Variants in CLASP2 observed in about 807,000 individuals in gnomAD.
The protein encoded by CLASP2 is cytoplasmic linker associated protein 2, also known as CLIP-associating protein 2.
CLASP2 carries 47 observed loss-of-function variants against 194.4 expected under a neutral mutation model. That is an observed-to-expected ratio of 0.24 (90% confidence interval 0.19 to 0.31). The LOEUF is 0.31. Ranked by LOEUF, CLASP2 falls within the 10% of genes least tolerant of loss-of-function variation. The pLI is 1.00. For synonymous variants in CLASP2, 619 were observed against 633.5 expected (o/e 0.98, Z 0.34); for missense variants, 1,445 against 1,823.6 (o/e 0.79, Z 3.78).
chr3:33,640,578 T>A (rs768046601), intron 8 of CLASP2, among the ~76,000 whole-genome samples: 1 of 152,098 alleles, frequency 6.6e-6, no homozygotes, highest in Non-Finnish European at 1.5e-5. Flanking sequence ...ACTTTAAGAA[T>A]TGAAGATTTG....
rs879019947 is a variant in CLASP2, at chr3:33,602,870, G to T, written c.1924+82C>A. ...TATCCTTAAATAACAAGAATGAATA[G>T]AAATGATTAAGGTATATGAACTTGT... On this transcript the variant is annotated intron_variant, in intron 18 of 38. Transcript: ENST00000682230. The T allele has an allele frequency of 1.4e-5, 18 of 1,291,318 alleles. No homozygotes were observed. The South Asian group carries it at 2.2e-4, about 15-fold the overall frequency. The allele number at this position is 1,291,318 out of a possible 1,614,324, so 80.0% of individuals were successfully genotyped here. A position where few individuals can be genotyped will look rare whatever the true frequency, so the allele number is the denominator to read the frequency against.
intron 12 of CLASP2, among the ~76,000 whole-genome samples, chr3:33,614,302 T>TTAA (rs953060746): frequency 6.6e-6 from 1 of 152,158 alleles, no homozygotes; most frequent in African/African-American, 2.4e-5. Flanking sequence ...CATACAGCTG[T>TTAA]TAAGACAGAG....
In CLASP2 at chr3:33,529,777, C is replaced by T. The variant is rs571936640; in HGVS notation, c.3787+5456G>A. Reference sequence around the variant, plus strand: ...CGGGTGGATCATGAGGTCAGGAGATCGAGACCATCCTGGCTAACAAGGTGA... The same window carrying T: ...CGGGTGGATCATGAGGTCAGGAGATTGAGACCATCCTGGCTAACAAGGTGA... On this transcript the variant is annotated intron_variant, in intron 34 of 38. Coordinates refer to ENST00000682230, the MANE Select transcript of CLASP2 (RefSeq NM_001365631.1). Among the ~76,000 whole-genome samples the T allele has an allele frequency of 1.5e-3, 231 of 151,720 alleles. 1 individual carries two copies. Among genetic ancestry groups the T allele is most frequent in the African/African-American group, 5.2e-3 (214 of 41,378 alleles).
intron 7 of CLASP2, chr3:33,659,182 T>C (rs2084859396): frequency 7.3e-7 from 1 of 1,373,448 alleles, no homozygotes; most frequent in Non-Finnish European, 9.4e-7. Flanking sequence ...AAGTCTGGGG[T>C]CTTGCTGAAA....
intron 16 of CLASP2, 100 bp downstream of exon 16, chr3:33,606,491 C>T (rs2073879286): frequency 6.7e-6 from 6 of 902,096 alleles, no homozygotes; most frequent in Non-Finnish European, 1.0e-5. Context: ...TCTTTCAAGG[C>T]TTTAGGTGAA....
chr3:33,556,641 T>C (rs1423725842), intron 29 of CLASP2, among the ~76,000 whole-genome samples: 1 of 152,124 alleles, frequency 6.6e-6, no homozygotes, highest in Admixed American at 6.5e-5. Context: ...TTCACCATGC[T>C]GGCCAGCCTG....
chr3:33,639,871 G>A (rs563375401), intron 8 of CLASP2, among the ~76,000 whole-genome samples: 11 of 152,130 alleles, frequency 7.2e-5, no homozygotes, highest in South Asian at 2.1e-4. Context: ...GAGATTACCC[G>A]GAGATGATCC....
intron 12 of CLASP2, among the ~76,000 whole-genome samples, chr3:33,614,673 C>A (rs1344273461): frequency 6.6e-6 from 1 of 152,066 alleles, no homozygotes; most frequent in East Asian, 1.9e-4. Flanking sequence ...AGAAAACGGG[C>A]TGGGCATGGT....
chr3:33,556,430 T>C (rs1433755997), intron 29 of CLASP2, among the ~76,000 whole-genome samples: 8 of 150,640 alleles, frequency 5.3e-5, no homozygotes, highest in Non-Finnish European at 1.0e-4. Flanking sequence ...AAAGTGATTT[T>C]CTTTCTTTCT....
At chr3:33,545,260 CA>C (rs1219366898) in intron 30 of CLASP2, 1 of 152,900 alleles carries the variant, frequency 6.5e-6, no homozygotes, top group Non-Finnish European at 1.5e-5. Context: ...GAAATGGGAA[CA>C]AAATAAAGCT....
intron 29 of CLASP2, among the ~76,000 whole-genome samples, chr3:33,555,120 A>G (rs1348195494): frequency 6.6e-6 from 1 of 152,220 alleles, no homozygotes; most frequent in African/African-American, 2.4e-5. Flanking sequence ...GAGGTAATAC[A>G]AATGTTAAAT....
At chr3:33,625,228 T>G (rs982456130) in intron 10 of CLASP2, among the ~76,000 whole-genome samples, 4 of 148,478 alleles carry the variant, frequency 2.7e-5, no homozygotes, top group African/African-American at 9.8e-5. Context: ...CATTAGGAGA[T>G]ATAACTAATG....
chr3:33,672,976 T>C (rs537956794), intron 6 of CLASP2, among the ~76,000 whole-genome samples: 2,727 of 152,296 alleles, frequency 0.018, 74 homozygotes, highest in African/African-American at 0.062. Flanking sequence ...CTGGTGTACC[T>C]GAAAGTGACG....
chr3:33,697,488 C>T (rs1359485703), intron 1 of CLASP2, among the ~76,000 whole-genome samples: 3 of 152,178 alleles, frequency 2.0e-5, no homozygotes, highest in Non-Finnish European at 4.4e-5. Context: ...ACAATTATGA[C>T]GTCACCAGGC....
chr3:33,505,269 A>C (rs6796503), intron 37 of CLASP2: 21,866 of 126,522 alleles, frequency 0.17, 1,719 homozygotes, highest in Middle Eastern at 0.28. Context: ...ACAACAACAA[A>C]ACATAACCAC....
At chr3:33,564,040 CTT>C in intron 27 of CLASP2, 1 of 405,166 alleles carries the variant, frequency 2.5e-6, no homozygotes, top group Non-Finnish European at 4.8e-6. Flanking sequence ...ATCTTCCTGA[CTT>C]AGAACTCACA....
intron 33 of CLASP2, among the ~76,000 whole-genome samples, chr3:33,538,089 C>A (rs947402123): frequency 1.3e-5 from 2 of 151,180 alleles, no homozygotes; most frequent in African/African-American, 4.9e-5. Context: ...TGCAGTGAGC[C>A]GAGATTGCGC....
chr3:33,665,354 T>C (rs2086005233), intron 6 of CLASP2, among the ~76,000 whole-genome samples: 1 of 151,668 alleles, frequency 6.6e-6, no homozygotes, highest in African/African-American at 2.4e-5. Flanking sequence ...TAGGCAAATA[T>C]AATACGAATA....
chr3:33,555,522 C>T (rs1483846840), intron 29 of CLASP2, among the ~76,000 whole-genome samples: 2 of 151,988 alleles, frequency 1.3e-5, no homozygotes, highest in South Asian at 2.1e-4. Flanking sequence ...TGCACCACCA[C>T]GTCCAGCTAA....
Sources: gnomAD v4.1 joint callset for allele counts (sites outside exome capture counted in the v4.1 genomes callset) on GRCh38, gnomAD v4.1.1 for gene constraint, MANE v1.5 for transcripts, NCBI Gene and HGNC (gene_info 2026-07-23, HGNC 2026-07-21) for gene names.